The following ATXN1 variants were observed in gnomAD, a reference collection of about 807,000 sequenced individuals.
The protein encoded by ATXN1 is ataxin 1.
In ATXN1, 8 loss-of-function variants were observed where a neutral mutation model predicts 56.4. The ratio of observed to expected loss-of-function variants is 0.14; its 90% CI spans 0.08 to 0.26. ATXN1 has a LOEUF of 0.26. Ranked by LOEUF, ATXN1 falls within the 10% of genes least tolerant of loss-of-function variation. The pLI is 1.00. For synonymous variants in ATXN1, 514 were observed against 494.6 expected, an observed-to-expected ratio of 1.04 and a Z score of -0.52; for missense variants, 987 against 1,106.5, an observed-to-expected ratio of 0.89 and a Z score of 1.53.
intron 6 of ATXN1, among the ~76,000 whole-genome samples, chr6:16,440,105 G>GGT (rs1759484208): frequency 6.6e-6 from 1 of 151,418 alleles, no homozygotes; most frequent in Non-Finnish European, 1.5e-5. Flanking sequence ...AGTGGGGCCA[G>GGT]GTGCGGTGGC....
chr6:16,571,453 C>T (rs1479182304), intron 4 of ATXN1, among the ~76,000 whole-genome samples: 1 of 152,072 alleles, frequency 6.6e-6, no homozygotes, highest in East Asian at 1.9e-4. Flanking sequence ...TTCCAATGTC[C>T]GCTCTACAAA....
At chr6:16,753,400 A>G (rs1760786857) in intron 1 of ATXN1, 53 bp from the exon 2 acceptor site, 1 of 454,240 alleles carries the variant, frequency 2.2e-6, no homozygotes, top group South Asian at 1.6e-5. Context: ...AAAACAGAAT[A>G]GACTGCTTTA....
intron 6 of ATXN1, among the ~76,000 whole-genome samples, chr6:16,445,253 ATGT>A (rs1025113409): frequency 6.6e-6 from 1 of 152,194 alleles, no homozygotes; most frequent in African/African-American, 2.4e-5. Context: ...TGTGATGATG[ATGT>A]TGTAGTTGTG....
At chr6:16,478,035 G>A (rs779977328) in intron 6 of ATXN1, among the ~76,000 whole-genome samples, 128 of 152,280 alleles carry the variant, frequency 8.4e-4, no homozygotes, top group Admixed American at 1.6e-3. Context: ...CAGCCAGCAC[G>A]TTGCTAGGAC....
chr6:16,467,973 G>A (rs1760140413), intron 6 of ATXN1, among the ~76,000 whole-genome samples: 1 of 152,076 alleles, frequency 6.6e-6, no homozygotes, highest in Non-Finnish European at 1.5e-5. Context: ...TTTCTATCTA[G>A]TGACCATCGA....
chr6:16,339,526 C>G (rs1242733664), intron 6 of ATXN1, among the ~76,000 whole-genome samples: 1 of 152,150 alleles, frequency 6.6e-6, no homozygotes, highest in Non-Finnish European at 1.5e-5. Context: ...CTCCCGGGAC[C>G]CAGGCTCTCT....
At chr6:16,748,238 G>A (rs1234635427) in intron 2 of ATXN1, among the ~76,000 whole-genome samples, 2 of 152,212 alleles carry the variant, frequency 1.3e-5, no homozygotes, top group African/African-American at 4.8e-5. Flanking sequence ...GGGACAGCCT[G>A]TGTCAGAAAG....
chr6:16,335,198 T>G (rs1412476473), intron 6 of ATXN1, among the ~76,000 whole-genome samples: 1 of 152,270 alleles, frequency 6.6e-6, no homozygotes, highest in East Asian at 1.9e-4. Flanking sequence ...GTGTCCTCAG[T>G]GGAAACTGAC....
At chr6:16,584,355 A>C (rs1762585804) in intron 4 of ATXN1, among the ~76,000 whole-genome samples, 1 of 151,458 alleles carries the variant, frequency 6.6e-6, no homozygotes, top group Non-Finnish European at 1.5e-5. Context: ...ATAACTTCAG[A>C]TACATATCTA....
At chr6:16,346,964 C>T (rs1329535273) in intron 6 of ATXN1, among the ~76,000 whole-genome samples, 2 of 152,166 alleles carry the variant, frequency 1.3e-5, no homozygotes, top group African/African-American at 4.8e-5. Context: ...CTCCGTGGGC[C>T]CCGCACTCGG....
intron 1 of ATXN1, among the ~76,000 whole-genome samples, chr6:16,758,752 C>G (rs78785069): frequency 6.6e-6 from 1 of 152,214 alleles, no homozygotes; most frequent in Non-Finnish European, 1.5e-5. Flanking sequence ...CACTGACAGG[C>G]AGCCAGGAGG....
At chr6:16,499,607 CCT>C (rs1171259606) in intron 5 of ATXN1, among the ~76,000 whole-genome samples, 6 of 152,086 alleles carry the variant, frequency 3.9e-5, no homozygotes, top group Non-Finnish European at 7.3e-5. Flanking sequence ...GTGAACAGCC[CCT>C]GTCTTCAGAT....
chr6:16,603,521 G>C (rs1158812477), intron 3 of ATXN1, among the ~76,000 whole-genome samples: 1 of 152,208 alleles, frequency 6.6e-6, no homozygotes, highest in Non-Finnish European at 1.5e-5. Context: ...CATAAGGAAA[G>C]GCAGGTTTTA....
chr6:16,623,167 C>T (rs1763348921), intron 3 of ATXN1, among the ~76,000 whole-genome samples: 1 of 152,052 alleles, frequency 6.6e-6, no homozygotes, highest in Non-Finnish European at 1.5e-5. Context: ...TAAAGCTGTG[C>T]TGGAGAGCCT....
intron 4 of ATXN1, among the ~76,000 whole-genome samples, chr6:16,562,922 C>A (rs559985796): frequency 4.0e-5 from 6 of 151,542 alleles, no homozygotes; most frequent in Non-Finnish European, 8.8e-5. Context: ...AATGAAAGAT[C>A]AAGCAGGAGA....
chr6:16,354,897 G>A (rs1328063240), intron 6 of ATXN1, among the ~76,000 whole-genome samples: 1 of 152,230 alleles, frequency 6.6e-6, no homozygotes, highest in Non-Finnish European at 1.5e-5. Context: ...GTAGCCTATG[G>A]TCAGAGCACA....
chr6:16,532,485 T>C (rs747410020), intron 4 of ATXN1, among the ~76,000 whole-genome samples: 6 of 152,162 alleles, frequency 3.9e-5, no homozygotes, highest in Non-Finnish European at 8.8e-5. Context: ...AGTAGTGTAC[T>C]ATCTAGGCAT....
intron 3 of ATXN1, among the ~76,000 whole-genome samples, chr6:16,605,593 T>C (rs1047272096): frequency 9.2e-5 from 14 of 152,238 alleles, no homozygotes; most frequent in African/African-American, 3.1e-4. Flanking sequence ...GGAAGAGGTA[T>C]GCTCAGGGAT....
In ATXN1 at chr6:16,420,505, TTC is replaced by T. The variant is rs766138549; in HGVS notation, c.-161+65465_-161+65466del. ...GAAGACTGAAGAGGTGAAGCTGGTG[TTC>T]TGAGTATGTCTACACAGCCTGCATA... On this transcript the variant is annotated intron_variant, in intron 6 of 7. Coordinates refer to ENST00000436367, the MANE Select transcript of ATXN1 (RefSeq NM_001128164.2). Among the ~76,000 whole-genome samples, 16 of 152,298 alleles carry T rather than the reference TTC, an allele frequency of 1.1e-4. 1 individual carries two copies. Among genetic ancestry groups the T allele is most frequent in the South Asian group, 4.1e-4 (2 of 4,822 alleles).
Sources: gnomAD v4.1 joint callset for allele counts (sites outside exome capture counted in the v4.1 genomes callset) on GRCh38, gnomAD v4.1.1 for gene constraint, MANE v1.5 for transcripts, NCBI Gene and HGNC (gene_info 2026-07-23, HGNC 2026-07-21) for gene names.